The following TNIK variants were observed in gnomAD, a reference collection of about 807,000 sequenced individuals.
TNIK encodes the protein TRAF2 and NCK-interacting protein kinase.
In TNIK, 49 loss-of-function variants were observed where a neutral mutation model predicts 191.3. The ratio of observed to expected loss-of-function variants is 0.26; its 90% confidence interval spans 0.20 to 0.32. TNIK has a LOEUF of 0.32. Ranked by LOEUF, TNIK falls within the 10% of genes least tolerant of loss-of-function variation. The pLI, the probability that TNIK is intolerant of heterozygous loss-of-function variation, is 1.00. For synonymous variants in TNIK, 594 were observed against 600.9 expected (o/e 0.99, Z 0.17); for missense variants, 1,155 against 1,702.3 (o/e 0.68, Z 5.66).
At chr3:171,156,815 T>C (rs973854078) in intron 12 of TNIK, among the ~76,000 whole-genome samples, 6 of 152,234 alleles carry the variant, frequency 3.9e-5, no homozygotes, top group Non-Finnish European at 5.9e-5. Context: ...GGAAAGGATC[T>C]GTGAAACATT....
intron 2 of TNIK, among the ~76,000 whole-genome samples, chr3:171,283,500 A>G (rs1478342057): frequency 1.3e-5 from 2 of 152,166 alleles, no homozygotes; most frequent in Non-Finnish European, 2.9e-5. Context: ...TTCACCAAGG[A>G]GCAGAGGAGT....
chr3:171,129,203 G>C (rs1000134657), intron 15 of TNIK, among the ~76,000 whole-genome samples: 3 of 152,162 alleles, frequency 2.0e-5, no homozygotes, highest in African/African-American at 7.2e-5. Flanking sequence ...CAATGCCATG[G>C]GGTCAGTGAG....
intron 2 of TNIK, among the ~76,000 whole-genome samples, chr3:171,333,978 C>T (rs1275470134): frequency 6.6e-6 from 1 of 152,190 alleles, no homozygotes; most frequent in Non-Finnish European, 1.5e-5. Context: ...AGCAAGTCTT[C>T]AAGTACCAGT....
At chr3:171,218,835 A>G (rs1741800131) in intron 3 of TNIK, among the ~76,000 whole-genome samples, 1 of 135,314 alleles carries the variant, frequency 7.4e-6, no homozygotes, top group Admixed American at 8.0e-5. Context: ...TTATAAATAT[A>G]TATTTGATAT....
intron 6 of TNIK, 27 bp from the exon 7 acceptor site, chr3:171,188,859 A>G (rs1433148349): frequency 6.2e-7 from 1 of 1,610,906 alleles, no homozygotes; most frequent in Admixed American, 1.7e-5. Context: ...AAGTAAATAA[A>G]GTCTGTGATC....
At chr3:171,180,577 A>G (rs1736525620) in intron 7 of TNIK, among the ~76,000 whole-genome samples, 1 of 152,212 alleles carries the variant, frequency 6.6e-6, no homozygotes, top group African/African-American at 2.4e-5. Context: ...GAATGAATGA[A>G]CAAATGAAAG....
intron 1 of TNIK, among the ~76,000 whole-genome samples, chr3:171,376,931 C>T (rs1717343182): frequency 6.6e-6 from 1 of 152,208 alleles, no homozygotes; most frequent in Non-Finnish European, 1.5e-5. Context: ...CTGGATTCCA[C>T]TCCTTACTAG....
chr3:171,169,189 G>T (rs1455614386), intron 9 of TNIK, among the ~76,000 whole-genome samples: 1 of 151,956 alleles, frequency 6.6e-6, no homozygotes, highest in Non-Finnish European at 1.5e-5. Context: ...AGACAGAAAG[G>T]TATGAAATAT....
intron 2 of TNIK, among the ~76,000 whole-genome samples, chr3:171,234,610 G>A (rs546792410): frequency 1.6e-4 from 25 of 152,278 alleles, no homozygotes; most frequent in Admixed American, 1.4e-3. Flanking sequence ...AGAAGAGACT[G>A]GGTTTCATTT....
intron 28 of TNIK, among the ~76,000 whole-genome samples, chr3:171,073,419 T>C (rs981133295): frequency 2.0e-5 from 3 of 152,000 alleles, no homozygotes; most frequent in African/African-American, 7.2e-5. Flanking sequence ...CCCAAAACTA[T>C]AATAAGAAAA....
At chr3:171,163,355 G>A (rs1734240744) in intron 10 of TNIK, among the ~76,000 whole-genome samples, 1 of 152,116 alleles carries the variant, frequency 6.6e-6, no homozygotes, top group Non-Finnish European at 1.5e-5. Context: ...TCCCTAAAAA[G>A]AAACTGAAAC....
intron 2 of TNIK, among the ~76,000 whole-genome samples, chr3:171,255,219 T>C (rs897740681): frequency 2.0e-5 from 3 of 152,198 alleles, no homozygotes; most frequent in African/African-American, 7.2e-5. Flanking sequence ...CAACAAAACC[T>C]GATATGAGCA....
chr3:171,373,308 C>T (rs1379250756), intron 1 of TNIK, among the ~76,000 whole-genome samples: 18 of 152,064 alleles, frequency 1.2e-4, no homozygotes, highest in Admixed American at 1.0e-3. Flanking sequence ...ATCCCTCCAC[C>T]ATCTTCTATC....
At chr3:171,208,348 T>C (rs1014829387) in intron 4 of TNIK, among the ~76,000 whole-genome samples, 3 of 150,456 alleles carry the variant, frequency 2.0e-5, no homozygotes, top group African/African-American at 7.3e-5. Context: ...AGAGAAAGAT[T>C]AGAGAAAAAA....
chr3:171,435,287 C>G (rs376427210), intron 1 of TNIK, among the ~76,000 whole-genome samples: 16 of 152,170 alleles, frequency 1.1e-4, no homozygotes, highest in African/African-American at 3.9e-4. Context: ...CAATCATCAA[C>G]AAAAAGAATG....
chr3:171,460,224 G>T lies in TNIK; in HGVS notation c.-161C>A. 1.2e-6 allele frequency: 1 copy of T among 869,506 alleles called. No homozygotes were observed. The allele number at this position is 869,506 out of a possible 1,614,324, so 53.9% of individuals were successfully genotyped here. A position where few individuals can be genotyped will look rare whatever the true frequency, so the allele number is the denominator to read the frequency against. Reference sequence around the variant, plus strand: ...CCCCAGCCCCACAGCGCCGGATCCCGATCCTCCGCGCGTCGGTCCGCCGGG... The same window carrying T: ...CCCCAGCCCCACAGCGCCGGATCCCTATCCTCCGCGCGTCGGTCCGCCGGG... On this transcript the variant is annotated 5_prime_UTR_variant, in exon 1 of 33. Coordinates refer to ENST00000436636, the MANE Select transcript of TNIK (RefSeq NM_015028.4). The surrounding 1 kb of genome is among the most constrained non-coding windows in gnomAD (Gnocchi z 6.8).
chr3:171,193,581 A>C (rs1738316430), intron 5 of TNIK, among the ~76,000 whole-genome samples: 1 of 152,214 alleles, frequency 6.6e-6, no homozygotes, highest in Admixed American at 6.5e-5. Context: ...TTTGGTTTGC[A>C]TTTAATGAAC....
intron 22 of TNIK, among the ~76,000 whole-genome samples, chr3:171,097,495 G>A (rs1386907894): frequency 2.0e-5 from 3 of 152,180 alleles, no homozygotes; most frequent in South Asian, 2.1e-4. Context: ...CCACGACATG[G>A]GAGTGACCCG....
intron 3 of TNIK, among the ~76,000 whole-genome samples, chr3:171,220,067 A>G (rs1577159230): frequency 1.3e-5 from 2 of 152,270 alleles, no homozygotes; most frequent in East Asian, 3.9e-4. Flanking sequence ...CAGCCATAAG[A>G]AAGGATGAGT....
Sources: allele counts gnomAD v4.1 joint callset (sites outside exome capture counted in the v4.1 genomes callset), GRCh38; gene constraint gnomAD v4.1.1; non-coding constraint Gnocchi (gnomAD v3.1); transcripts MANE v1.5; gene names NCBI Gene and HGNC (gene_info 2026-07-23, HGNC 2026-07-21).